DLGAP1: variants seen among roughly 807,000 people sequenced by gnomAD.
DLGAP1 encodes disks large-associated protein 1.
DLGAP1 carries 11 observed loss-of-function variants against 90.8 expected under a neutral mutation model. The ratio of observed to expected loss-of-function variants is 0.12; its 90% CI spans 0.08 to 0.20. The LOEUF is 0.20. Among genes scored for constraint, DLGAP1 ranks in the 10% least tolerant of loss-of-function variants. DLGAP1 has a pLI of 1.00. For missense variants in DLGAP1, 1,050 were observed against 1,333.8 expected, an observed-to-expected ratio of 0.79 and a Z score of 3.31; for synonymous variants, 558 against 540.7, an observed-to-expected ratio of 1.03 and a Z score of -0.44.
At chr18:4,143,183 G>A (rs2076524062) in intron 2 of DLGAP1, among the ~76,000 whole-genome samples, 1 of 152,066 alleles carries the variant, frequency 6.6e-6, no homozygotes, top group Admixed American at 6.5e-5. Context: ...AAGCCAGCTA[G>A]GCTCATATCC....
intron 4 of DLGAP1, among the ~76,000 whole-genome samples, chr18:3,830,734 C>A (rs1364168560): frequency 6.6e-6 from 1 of 152,210 alleles, no homozygotes; most frequent in Non-Finnish European, 1.5e-5. Context: ...ACTAATGTAA[C>A]ACTGATCACA....
At chr18:3,750,668 C>G (rs1249681493) in intron 5 of DLGAP1, among the ~76,000 whole-genome samples, 1 of 152,214 alleles carries the variant, frequency 6.6e-6, no homozygotes, top group Non-Finnish European at 1.5e-5. Context: ...CTTCGACACT[C>G]TCTTACGGAG....
chr18:4,250,417 T>C (rs963247764), intron 1 of DLGAP1, among the ~76,000 whole-genome samples: 3 of 152,242 alleles, frequency 2.0e-5, no homozygotes, highest in Non-Finnish European at 4.4e-5. Flanking sequence ...TGTGTCACAC[T>C]GTTCCTCTGT....
At chr18:4,150,289 T>C (rs1321650007) in intron 2 of DLGAP1, among the ~76,000 whole-genome samples, 3 of 152,348 alleles carry the variant, frequency 2.0e-5, no homozygotes, top group East Asian at 3.9e-4. Context: ...ATTTGATTTA[T>C]ATGTGGTAAG....
chr18:3,769,788 AG>A (rs1324451962), intron 5 of DLGAP1, among the ~76,000 whole-genome samples: 1 of 151,924 alleles, frequency 6.6e-6, no homozygotes, highest in African/African-American at 2.4e-5. Flanking sequence ...CTTGACTACC[AG>A]TGTCAATATC....
chr18:4,038,169 G>A (rs1418259368), intron 2 of DLGAP1, among the ~76,000 whole-genome samples: 2 of 152,156 alleles, frequency 1.3e-5, no homozygotes, highest in African/African-American at 4.8e-5. Flanking sequence ...CAGAGAATCA[G>A]TCCTATATTA....
chr18:3,943,343 T>C (rs566844081), intron 3 of DLGAP1, among the ~76,000 whole-genome samples: 14 of 152,302 alleles, frequency 9.2e-5, no homozygotes, highest in Non-Finnish European at 1.8e-4. Context: ...TGCTGACTTA[T>C]TTATAAAAGA....
At position 4,277,817 on chromosome 18, in the gene DLGAP1, G is replaced by T. The variant is rs476770; in HGVS notation, c.-266-126530C>A. ...ATGTATTTTGGCTGTCTGAATTTTT[G>T]TTTGTCCACATATCGGTAATATTGC... On this transcript the variant is annotated intron_variant, in intron 1 of 12. Coordinates refer to ENST00000315677, the MANE Select transcript of DLGAP1 (RefSeq NM_004746.4). 5.9e-3 allele frequency among the ~76,000 whole-genome samples: 895 copies of T among 152,136 alleles called. 7 individuals are homozygous for T. Among genetic ancestry groups the T allele is most frequent in the African/African-American group, 0.02 (832 of 41,502 alleles).
At chr18:3,604,886 A>C (rs1052682413) in intron 7 of DLGAP1, among the ~76,000 whole-genome samples, 2 of 152,180 alleles carry the variant, frequency 1.3e-5, no homozygotes, top group African/African-American at 4.8e-5. Flanking sequence ...TCTTGTTGTG[A>C]AACCTCTTTC....
intron 4 of DLGAP1, among the ~76,000 whole-genome samples, chr18:3,867,357 A>T (rs1312180647): frequency 6.6e-6 from 1 of 152,186 alleles, no homozygotes; most frequent in Non-Finnish European, 1.5e-5. Context: ...TTCCCTTCCA[A>T]ATTATGTAAT....
intron 7 of DLGAP1, among the ~76,000 whole-genome samples, chr18:3,669,981 C>A (rs2060029974): frequency 6.6e-6 from 1 of 152,100 alleles, no homozygotes; most frequent in East Asian, 1.9e-4. Context: ...TTGTATGCTC[C>A]CCTAGAGGTA....
chr18:4,058,620 G>T (rs997266295), intron 2 of DLGAP1, among the ~76,000 whole-genome samples: 4 of 152,190 alleles, frequency 2.6e-5, no homozygotes, highest in Non-Finnish European at 4.4e-5. Context: ...TCCTCCAGAA[G>T]TTCCTTCTTT....
chr18:3,897,848 G>A (rs1216036176), intron 3 of DLGAP1, among the ~76,000 whole-genome samples: 3 of 135,758 alleles, frequency 2.2e-5, no homozygotes, highest in South Asian at 4.6e-4. Context: ...ACTGCGGACT[G>A]CAGTGGCGCA....
chr18:4,239,545 G>T (rs1023993903), intron 1 of DLGAP1, among the ~76,000 whole-genome samples: 1 of 151,748 alleles, frequency 6.6e-6, no homozygotes, highest in Non-Finnish European at 1.5e-5. Flanking sequence ...TCTTTTTTTC[G>T]TATGGAAGTG....
At chr18:3,656,609 T>C (rs1188254683) in intron 7 of DLGAP1, among the ~76,000 whole-genome samples, 1 of 152,170 alleles carries the variant, frequency 6.6e-6, no homozygotes, top group Non-Finnish European at 1.5e-5. Flanking sequence ...CAGAGCCCTT[T>C]TCTTGGTCTG....
At chr18:3,988,195 T>A (rs2073882432) in intron 3 of DLGAP1, among the ~76,000 whole-genome samples, 1 of 152,058 alleles carries the variant, frequency 6.6e-6, no homozygotes, top group Non-Finnish European at 1.5e-5. Flanking sequence ...GTCACTGCAA[T>A]CTCAGGATAT....
chr18:4,134,296 C>T (rs191799140), intron 2 of DLGAP1, among the ~76,000 whole-genome samples: 15 of 152,160 alleles, frequency 9.9e-5, no homozygotes, highest in Admixed American at 9.2e-4. Flanking sequence ...TTTCAAGCCA[C>T]AATCCTTCTC....
At chr18:3,784,508 T>C (rs2065353381) in intron 5 of DLGAP1, among the ~76,000 whole-genome samples, 1 of 152,216 alleles carries the variant, frequency 6.6e-6, no homozygotes, top group Admixed American at 6.5e-5. Context: ...TACTCCTCTG[T>C]TCAGGTGTCC....
rs922792302 is a variant in DLGAP1 at position 3,898,244 on chromosome 18, C to T, written c.-72-18104G>A. ...GGTGCTCAAAAAGCTTTGGATTCTA[C>T]AGCATTTTTGATTTTGGATTTTTGT... On this transcript the variant is annotated intron_variant, in intron 3 of 12. Transcript: ENST00000315677. 3.9e-5 allele frequency among the ~76,000 whole-genome samples: 6 copies of T among 152,280 alleles called. No individual in the cohort carries two copies. In the East Asian group the frequency reaches 1.2e-3, roughly 29 times the overall value.
Sources: allele counts gnomAD v4.1 joint callset (sites outside exome capture counted in the v4.1 genomes callset), GRCh38; gene constraint gnomAD v4.1.1; transcripts MANE v1.5; gene names NCBI Gene and HGNC (gene_info 2026-07-23, HGNC 2026-07-21).